The following BBOF1 variants were observed in gnomAD, a reference collection of about 807,000 sequenced individuals.
The protein encoded by BBOF1 is basal body-orientation factor 1.
BBOF1 carries 62 observed loss-of-function variants against 68.0 expected under a neutral mutation model. The observed-to-expected ratio is 0.91, with a 90% CI of 0.74 to 1.13. BBOF1 has a LOEUF of 1.13. Ranked by LOEUF, BBOF1 falls within the 50% of genes most tolerant of loss-of-function variation. The pLI is 0.00. For synonymous variants in BBOF1, 208 were observed against 198.8 expected (o/e 1.05, Z -0.39); for missense variants, 534 against 600.1 (o/e 0.89, Z 1.15).
intron 3 of BBOF1, among the ~76,000 whole-genome samples, chr14:74,030,522 G>A (rs2059539769): frequency 6.6e-6 from 1 of 151,512 alleles, no homozygotes; most frequent in Non-Finnish European, 1.5e-5. Context: ...TTTAGATGGA[G>A]TCTCGCTCTG....
intron 2 of BBOF1, among the ~76,000 whole-genome samples, chr14:74,026,145 A>AC (rs1164524753): frequency 6.6e-6 from 1 of 150,504 alleles, no homozygotes; most frequent in African/African-American, 2.4e-5. Flanking sequence ...TGTCTCAAAA[A>AC]AAAAAAAAAG....
chr14:74,034,403 A>G (rs1013174772), intron 4 of BBOF1, among the ~76,000 whole-genome samples: 2 of 152,192 alleles, frequency 1.3e-5, no homozygotes, highest in Non-Finnish European at 2.9e-5. Flanking sequence ...CAGACAACAC[A>G]TCCTCCTATG....
intron 3 of BBOF1, among the ~76,000 whole-genome samples, chr14:74,032,289 G>T (rs2059590592): frequency 6.6e-6 from 1 of 151,536 alleles, no homozygotes; most frequent in Non-Finnish European, 1.5e-5. Flanking sequence ...ACCACACCTG[G>T]CTAACTTTTG....
intron 1 of BBOF1, among the ~76,000 whole-genome samples, chr14:74,021,753 A>C (rs1347861141): frequency 6.6e-6 from 1 of 152,064 alleles, no homozygotes; most frequent in Non-Finnish European, 1.5e-5. Flanking sequence ...TGAAAATACA[A>C]AAAATTAGCC....
At chr14:74,077,735 C>T (rs2060628084) in intron 9 of BBOF1, among the ~76,000 whole-genome samples, 1 of 152,176 alleles carries the variant, frequency 6.6e-6, no homozygotes, top group Non-Finnish European at 1.5e-5. Context: ...GATTAAATTT[C>T]AACATGAGTT....
At chr14:74,027,943 A>T (rs2059471630) in intron 2 of BBOF1, among the ~76,000 whole-genome samples, 1 of 152,178 alleles carries the variant, frequency 6.6e-6, no homozygotes, top group Admixed American at 6.5e-5. Context: ...GCAATAAAGG[A>T]CATTATTGGG....
intron 9 of BBOF1, chr14:74,071,794 C>G: frequency 6.7e-7 from 1 of 1,496,670 alleles, no homozygotes; most frequent in Middle Eastern, 1.7e-4. Context: ...CATGGGATGG[C>G]AAAATCTATG....
intron 4 of BBOF1, among the ~76,000 whole-genome samples, chr14:74,035,637 T>G (rs2059682447): frequency 7.0e-6 from 1 of 141,916 alleles, no homozygotes; most frequent in South Asian, 2.4e-4. Context: ...TTTACCATGC[T>G]GGTCAGGCTG....
At chr14:74,027,082 C>CT (rs1189972161) in intron 2 of BBOF1, among the ~76,000 whole-genome samples, 35,124 of 88,440 alleles carry the variant, frequency 0.4, 9,406 homozygotes, top group East Asian at 0.5. Flanking sequence ...GAAAGGAAGC[C>CT]TTTTTTTTTT....
chr14:74,060,387 C>T (rs2139722633), intron 11 of BBOF1: 1 of 455,736 alleles, frequency 2.2e-6, no homozygotes, highest in African/African-American at 2.0e-5. Context: ...TTAAGCACTA[C>T]TTTCAGATAA....
chr14:74,040,516 C>A, intron 4 of BBOF1, 49 bp from the exon 5 acceptor site: 1 of 1,135,216 alleles, frequency 8.8e-7, no homozygotes, highest in Non-Finnish European at 1.3e-6. Context: ...TGCTCAATGA[C>A]CCCCATTTTC....
intron 3 of BBOF1, 113 bp downstream of exon 3, chr14:74,029,362 T>G: frequency 4.6e-6 from 3 of 656,378 alleles, no homozygotes; most frequent in Non-Finnish European, 8.2e-6. Context: ...GGCAGGCTAA[T>G]GACCTTAAAG....
intron 4 of BBOF1, among the ~76,000 whole-genome samples, chr14:74,037,966 A>G (rs556943065): frequency 1.1e-4 from 16 of 152,224 alleles, no homozygotes; most frequent in African/African-American, 3.6e-4. Context: ...AAAAAAAAAA[A>G]AAAGGAATAA....
intron 11 of BBOF1, among the ~76,000 whole-genome samples, chr14:74,061,215 T>A (rs947538109): frequency 6.6e-6 from 1 of 152,122 alleles, no homozygotes; most frequent in African/African-American, 2.4e-5. Context: ...CGGCCTCAAG[T>A]GATCCGCCTT....
intron 8 of BBOF1, among the ~76,000 whole-genome samples, chr14:74,054,668 CA>C (rs2060143338): frequency 6.8e-6 from 1 of 147,316 alleles, no homozygotes; most frequent in African/African-American, 2.5e-5. Context: ...TGAGCCACCG[CA>C]CCCAGGCTCT....
chr14:74,040,635 T>C lies in BBOF1; in HGVS notation c.566T>C (p.Phe189Ser). Residue 189 changes from phenylalanine (F) to serine (S), a missense_variant, in exon 5 of 12, where the codon TTT becomes TCT. Coordinates refer to ENST00000394009, the MANE Select transcript of BBOF1 (RefSeq NM_025057.3). ...ETLRRLESRF[F>S]EEKHRLEQEA... ...CTTAGAAGACTGGAAAGCAGATTTT[T>C]TGAAGAAAAGGTACAGATTATTAGG... 6.3e-7 allele frequency: 1 copy of C among 1,585,996 alleles called. No individual in the cohort carries two copies. The highest frequency in any genetic ancestry group is 8.6e-7 in the Non-Finnish European group (1 of 1,165,820).
At chr14:74,068,965 G>A (rs368626086), downstream of BBOF1, 96 of 1,613,686 alleles carry the variant, frequency 5.9e-5, no homozygotes, top group Non-Finnish European at 7.5e-5. Context: ...CCGGATGATC[G>A]CAAATAAAAT....
At chr14:74,030,540 G>C (rs1490718808) in intron 3 of BBOF1, among the ~76,000 whole-genome samples, 3 of 151,606 alleles carry the variant, frequency 2.0e-5, no homozygotes, top group Admixed American at 6.6e-5. Flanking sequence ...CTGTCGCCCA[G>C]GCTGGAGTGC....
At chr14:74,055,739 A>G (rs2060183576) in intron 9 of BBOF1, 54 bp downstream of exon 9, 3 of 1,356,448 alleles carry the variant, frequency 2.2e-6, no homozygotes, top group Non-Finnish European at 3.1e-6. Context: ...TCTAGAAACC[A>G]CTTAGGAACA....
Sources: allele counts gnomAD v4.1 joint callset (sites outside exome capture counted in the v4.1 genomes callset), GRCh38; gene constraint gnomAD v4.1.1; transcripts MANE v1.5; gene names NCBI Gene and HGNC (gene_info 2026-07-23, HGNC 2026-07-21).